The following SLC6A17 variants were observed in gnomAD, a reference collection of about 807,000 sequenced individuals.
SLC6A17 encodes solute carrier family 6 member 17.
SLC6A17 carries 21 observed loss-of-function variants against 64.5 expected under a neutral mutation model. The ratio of observed to expected loss-of-function variants is 0.33; its 90% CI spans 0.23 to 0.47. SLC6A17 has a LOEUF of 0.47. SLC6A17 is among the 20% of genes least tolerant of loss of function. The pLI, the probability that SLC6A17 is intolerant of heterozygous loss-of-function variation, is 1.00. For synonymous variants in SLC6A17, 372 were observed against 399.5 expected (o/e 0.93, Z 0.82); for missense variants, 682 against 963.2 (o/e 0.71, Z 3.86).
chr1:110,184,040 C>T (rs926867632), intron 6 of SLC6A17, among the ~76,000 whole-genome samples: 2 of 152,156 alleles, frequency 1.3e-5, no homozygotes, highest in African/African-American at 4.8e-5. Context: ...GACAGTTTTT[C>T]ACATTTGAAC....
At chr1:110,153,493 C>T (rs1030574165) in intron 1 of SLC6A17, among the ~76,000 whole-genome samples, 3 of 140,318 alleles carry the variant, frequency 2.1e-5, no homozygotes, top group African/African-American at 7.8e-5. Context: ...CATGCTGGCT[C>T]AGGGGACTCC....
At chr1:110,170,319 C>T (rs959776060) in intron 2 of SLC6A17, among the ~76,000 whole-genome samples, 16 of 152,104 alleles carry the variant, frequency 1.1e-4, no homozygotes, top group African/African-American at 3.4e-4. Flanking sequence ...CCCGTCTCTA[C>T]TAAAAATACA....
At chr1:110,177,411 G>A (rs1247187535) in intron 6 of SLC6A17, among the ~76,000 whole-genome samples, 13 of 152,216 alleles carry the variant, frequency 8.5e-5, no homozygotes, top group Admixed American at 8.5e-4. Flanking sequence ...CGGGCATCCT[G>A]AAGATGTATA....
intron 6 of SLC6A17, among the ~76,000 whole-genome samples, chr1:110,180,876 G>A (rs1032297625): frequency 7.2e-5 from 11 of 152,176 alleles, no homozygotes; most frequent in African/African-American, 2.7e-4. Flanking sequence ...TGTGGGAGAA[G>A]CATAGGCTCT....
At chr1:110,180,258 G>T (rs576123958) in intron 6 of SLC6A17, among the ~76,000 whole-genome samples, 2 of 152,212 alleles carry the variant, frequency 1.3e-5, no homozygotes, top group Non-Finnish European at 2.9e-5. Flanking sequence ...TGGCAAGAGT[G>T]GAGGGTTAAA....
At chr1:110,154,281 A>G (rs1655694017) in intron 1 of SLC6A17, among the ~76,000 whole-genome samples, 1 of 152,258 alleles carries the variant, frequency 6.6e-6, no homozygotes, top group Non-Finnish European at 1.5e-5. Context: ...TCAAGGTCAC[A>G]CAGGTGAGTG....
intron 6 of SLC6A17, among the ~76,000 whole-genome samples, chr1:110,184,037 T>G (rs894330995): frequency 6.6e-6 from 1 of 152,148 alleles, no homozygotes; most frequent in African/African-American, 2.4e-5. Flanking sequence ...ATAGACAGTT[T>G]TTCACATTTG....
intron 6 of SLC6A17, among the ~76,000 whole-genome samples, chr1:110,178,391 C>G (rs184655984): frequency 6.6e-6 from 1 of 152,296 alleles, no homozygotes; most frequent in African/African-American, 2.4e-5. Flanking sequence ...TGGATTCAGA[C>G]ACACTTTATC....
chr1:110,164,917 G>A (rs1416830612), intron 1 of SLC6A17, among the ~76,000 whole-genome samples: 3 of 152,192 alleles, frequency 2.0e-5, no homozygotes, highest in Non-Finnish European at 4.4e-5. Context: ...GTGGCTTGAT[G>A]ATCAGTAAAT....
In SLC6A17 at chr1:110,194,560, C is replaced by A; in HGVS notation, c.1300-19C>A. The A allele has an allele frequency of 1.2e-6, 2 of 1,609,412 alleles. No individual in the cohort carries two copies. Among genetic ancestry groups the A allele is most frequent in the Non-Finnish European group, 1.7e-6 (2 of 1,176,266 alleles). ...GGGAGGGGTGACCTCACAGGCCCTG[C>A]TTTCCACCCCACCTTCAGTCCGTGC... On this transcript the variant is annotated intron_variant, in intron 8 of 11. Transcript: ENST00000331565.
intron 1 of SLC6A17, among the ~76,000 whole-genome samples, chr1:110,165,748 G>A (rs574899935): frequency 3.2e-4 from 48 of 152,036 alleles, no homozygotes; most frequent in Non-Finnish European, 5.0e-4. Context: ...ACGTACCTAC[G>A]AGGAGAACAA....
chr1:110,159,959 A>G (rs557880832), intron 1 of SLC6A17, among the ~76,000 whole-genome samples: 5 of 152,370 alleles, frequency 3.3e-5, no homozygotes, highest in African/African-American at 1.2e-4. Flanking sequence ...TTGGCCTTGC[A>G]GAAGCAAAGA....
intron 2 of SLC6A17, among the ~76,000 whole-genome samples, chr1:110,167,436 G>T (rs7535597): frequency 2.3e-3 from 348 of 152,226 alleles, no homozygotes; most frequent in African/African-American, 8.1e-3. Flanking sequence ...AGACTGCCTG[G>T]GTTCAGATTC....
At chr1:110,159,720 C>A (rs528455448) in intron 1 of SLC6A17, among the ~76,000 whole-genome samples, 1 of 152,192 alleles carries the variant, frequency 6.6e-6, no homozygotes, top group Non-Finnish European at 1.5e-5. Flanking sequence ...GATGGCCAGG[C>A]TTCTTAGTGT....
chr1:110,197,519 T>C lies in SLC6A17; in HGVS notation c.1735T>C (p.Cys579Arg). The part of the protein sequence containing the change: ...FYMWKFVSPL[C>R]MAVLTTASII... ...CATGTGGAAGTTCGTGTCTCCACTATGCATGGCTGTGCTCACCACAGCCAG... is the reference window on the plus strand; with the variant it reads ...CATGTGGAAGTTCGTGTCTCCACTACGCATGGCTGTGCTCACCACAGCCAG... The change falls in exon 11 of 12, where the codon TGC becomes CGC. Residue 579 changes from cysteine (C) to arginine (R), a missense_variant. Cys to Arg is a radical substitution (Grantham distance 180, BLOSUM62 -3). Coordinates refer to ENST00000331565, the MANE Select transcript of SLC6A17 (RefSeq NM_001010898.4). 1.2e-6 allele frequency: 2 copies of C among 1,613,822 alleles called. No homozygotes were observed. Among genetic ancestry groups the C allele is most frequent in the Non-Finnish European group, 8.5e-7 (1 of 1,179,956 alleles).
chr1:110,197,991 G>C, intron 11 of SLC6A17, 85 bp from the exon 12 acceptor site: 1 of 1,522,196 alleles, frequency 6.6e-7, no homozygotes, highest in Non-Finnish European at 8.8e-7. Context: ...GGCCATGGGT[G>C]AGGGCAGGAG....
intron 3 of SLC6A17, 69 bp downstream of exon 3, chr1:110,172,286 T>G (rs1570987752): frequency 6.6e-7 from 1 of 1,504,148 alleles, no homozygotes; most frequent in Non-Finnish European, 8.9e-7. Flanking sequence ...GGAGACGAGG[T>G]CACCGAGTTT....
intron 6 of SLC6A17, among the ~76,000 whole-genome samples, chr1:110,186,868 A>C (rs1656698984): frequency 6.6e-6 from 1 of 152,232 alleles, no homozygotes; most frequent in East Asian, 1.9e-4. Flanking sequence ...TTTAAAGAAG[A>C]AATGATATTC....
rs1315642859 is a variant in SLC6A17, at chr1:110,174,156, A to G, written c.571+57A>G. On this transcript the variant is annotated intron_variant, in intron 4 of 11. Transcript: ENST00000331565. ...CAGCCCTGTCCCAGGAAGGGGTCTC[A>G]CAAGCTTAGCGCACACATTTGGAAT... 22 of 1,597,990 alleles carry G rather than the reference A, an allele frequency of 1.4e-5. No homozygotes were observed. The East Asian group carries it at 4.9e-4, about 36-fold the overall frequency.
Sources: allele counts gnomAD v4.1 joint callset (sites outside exome capture counted in the v4.1 genomes callset), GRCh38; gene constraint gnomAD v4.1.1; transcripts MANE v1.5; gene names NCBI Gene and HGNC (gene_info 2026-07-23, HGNC 2026-07-21).